The following SORT1 variants were observed in gnomAD, a reference collection of about 807,000 sequenced individuals.
The protein encoded by SORT1 is sortilin.
Under a neutral mutation model 101.7 loss-of-function variants are expected in SORT1, and 39 were observed. The observed-to-expected ratio is 0.38, with a 90% confidence interval of 0.30 to 0.50. SORT1 has a LOEUF of 0.50. Ranked by LOEUF, SORT1 falls within the 20% of genes least tolerant of loss-of-function variation. The pLI is 0.90. For synonymous variants in SORT1, 396 were observed against 393.7 expected (o/e 1.01, Z -0.07); for missense variants, 878 against 1,040.4 (o/e 0.84, Z 2.15).
intron 11 of SORT1, among the ~76,000 whole-genome samples, chr1:109,332,224 G>A (rs964449691): frequency 6.6e-6 from 1 of 152,098 alleles, no homozygotes; most frequent in African/African-American, 2.4e-5. Context: ...ATCCAAACAC[G>A]TTAATTCATC....
intron 11 of SORT1, among the ~76,000 whole-genome samples, chr1:109,332,023 G>C (rs900128825): frequency 9.1e-6 from 1 of 110,388 alleles, no homozygotes; most frequent in Non-Finnish European, 1.8e-5. Flanking sequence ...ATTGATGAAA[G>C]AAATTGAAGA....
chr1:109,316,047 C>A (rs1380602086), intron 17 of SORT1, among the ~76,000 whole-genome samples: 1 of 151,818 alleles, frequency 6.6e-6, no homozygotes, highest in Admixed American at 6.6e-5. Context: ...CAGGAGTAAG[C>A]CACCATGCCC....
At chr1:109,333,567 T>A (rs1380428741) in intron 11 of SORT1, among the ~76,000 whole-genome samples, 1 of 151,478 alleles carries the variant, frequency 6.6e-6, no homozygotes, top group Non-Finnish European at 1.5e-5. Flanking sequence ...AAACAAATAA[T>A]CCAACTAAAA....
chr1:109,351,965 G>GGGGGT (rs932648162), intron 5 of SORT1, among the ~76,000 whole-genome samples: 12 of 147,412 alleles, frequency 8.1e-5, no homozygotes, highest in South Asian at 2.2e-4. Context: ...GAGAGGTAGG[G>GGGGGT]GTGTGTGTGT....
intron 1 of SORT1, among the ~76,000 whole-genome samples, chr1:109,391,284 C>T (rs577052543): frequency 2.0e-4 from 30 of 152,234 alleles, no homozygotes; most frequent in South Asian, 8.3e-4. Flanking sequence ...TAGTAAAACA[C>T]CCCTAAATGT....
chr1:109,344,313 C>T (rs1441518640), intron 8 of SORT1, among the ~76,000 whole-genome samples: 1 of 152,142 alleles, frequency 6.6e-6, no homozygotes, highest in Non-Finnish European at 1.5e-5. Flanking sequence ...CTCAGCATTC[C>T]CCTGCTCACA....
intron 1 of SORT1, among the ~76,000 whole-genome samples, chr1:109,371,769 T>C (rs544029662): frequency 1.3e-5 from 2 of 152,328 alleles, no homozygotes; most frequent in African/African-American, 2.4e-5. Flanking sequence ...CCTTTGGAAA[T>C]GTAGGCCAGA....
At chr1:109,347,954 C>T (rs2101592428) in intron 6 of SORT1, among the ~76,000 whole-genome samples, 1 of 152,354 alleles carries the variant, frequency 6.6e-6, no homozygotes, top group East Asian at 1.9e-4. Flanking sequence ...GTCATTAGTG[C>T]TGAGGTTGAG....
chr1:109,341,374 T>C (rs1256543428), intron 9 of SORT1, among the ~76,000 whole-genome samples: 2 of 149,966 alleles, frequency 1.3e-5, no homozygotes, highest in Non-Finnish European at 3.0e-5. Context: ...TGAGATGGAG[T>C]CTCGCTCTGT....
rs1056935541 is a variant in SORT1 at position 109,397,750 on chromosome 1, GGCAGCGGC to G, written c.135_142del (p.Pro46AlafsTer58). 1 of 1,198,792 alleles carries G rather than the reference GGCAGCGGC, an allele frequency of 8.3e-7. No homozygotes were observed. Among genetic ancestry groups the G allele is most frequent in the African/African-American group, 1.6e-5 (1 of 61,600 alleles). 74.3% of individuals were successfully genotyped at this position (1,198,792 alleles called of 1,614,324 possible). A position where few individuals can be genotyped will look rare whatever the true frequency, so the allele number is the denominator to read the frequency against. On this transcript the variant is annotated frameshift_variant, in exon 1 of 20. Transcript: ENST00000256637. LOFTEE classifies it high-confidence loss of function. ...CACCCCGATGGGGCCAGACCAGCGC[GGCAGCGGC>G]GCAGCGGGCGGCGGCGGCGCGTCCA...
intron 3 of SORT1, among the ~76,000 whole-genome samples, chr1:109,365,666 A>G (rs903414813): frequency 6.6e-5 from 10 of 152,222 alleles, no homozygotes; most frequent in Non-Finnish European, 1.2e-4. Context: ...CATTTATTCA[A>G]TTATTATTTG....
At chr1:109,318,073 C>G (rs1346171651) in intron 15 of SORT1, 104 bp from the exon 16 acceptor site, 2 of 680,116 alleles carry the variant, frequency 2.9e-6, no homozygotes, top group African/African-American at 3.6e-5. Flanking sequence ...ACATTCCAGT[C>G]TTGGGTTGTT....
At chr1:109,314,084 G>GACAGACC in intron 19 of SORT1, 27 bp from the exon 20 acceptor site, 1 of 1,613,790 alleles carries the variant, frequency 6.2e-7, no homozygotes, top group South Asian at 1.1e-5. Flanking sequence ...CCATATTACC[G>GACAGACC]ACAGACCACA....
At chr1:109,375,493 G>A (rs1293154500) in intron 1 of SORT1, among the ~76,000 whole-genome samples, 2 of 131,836 alleles carry the variant, frequency 1.5e-5, no homozygotes, top group African/African-American at 2.9e-5. Flanking sequence ...GCAGTGAGCC[G>A]AGATCGCGCC....
At chr1:109,378,571 A>C (rs1222286467) in intron 1 of SORT1, among the ~76,000 whole-genome samples, 3 of 151,360 alleles carry the variant, frequency 2.0e-5, no homozygotes, top group Admixed American at 6.6e-5. Flanking sequence ...TAATCCCTAT[A>C]GGAAGGGAAA....
chr1:109,338,760 G>A (rs1260818187), intron 10 of SORT1, among the ~76,000 whole-genome samples: 1 of 151,982 alleles, frequency 6.6e-6, no homozygotes, highest in Non-Finnish European at 1.5e-5. Context: ...TTTAAAATAG[G>A]GAGCCTGAAT....
At position 109,345,758 on chromosome 1, in the gene SORT1, G is replaced by A; in HGVS notation, c.956C>T (p.Ala319Val). ...GGRFLFASVM[A>V]DKDTTRRIHV... ...GGAGAGGGCAATACCTACCTTATCA[G>A]CCATCACAGAGGCAAAAAGGAAACG... The change falls in exon 8 of 20, where the codon GCT (alanine) becomes GTT (valine). Residue 319 changes from alanine (A) to valine (V), a missense_variant. Ala to Val is a moderately conservative substitution (Grantham distance 64). Around this residue, in one of 2 missense-constraint regions of SORT1, gnomAD observed 684 missense variants for 894.5 expected, o/e 0.76. Transcript: ENST00000256637. 6.2e-7 allele frequency: 1 copy of A among 1,613,374 alleles called. No homozygotes were observed. The highest frequency in any genetic ancestry group is 8.5e-7 in the Non-Finnish European group (1 of 1,179,698).
Position 109,327,134 on chromosome 1 carries a change from T to G in SORT1, c.1501A>C (p.Met501Leu), listed in dbSNP as rs746580289. 11 of 1,613,466 alleles carry G rather than the reference T, an allele frequency of 6.8e-6. No individual in the cohort carries two copies. The highest frequency in any genetic ancestry group is 8.5e-6 in the Non-Finnish European group (10 of 1,179,784). The change falls in exon 13 of 20, where the codon ATG (methionine) becomes CTG (leucine). Residue 501 changes from methionine to leucine, a missense_variant. By Grantham distance (15) the Met-to-Leu change is conservative (BLOSUM62 2). Transcript: ENST00000256637. ...TCTGAGATGTACACATCTGGAACCA[T>G]CACTGAGATGGCATCCCCCACGCTA... is the stretch of plus-strand genomic sequence containing the variant. ...HGSVGDAISVMVPDVYISDDG... is the reference protein window; with the variant it reads ...HGSVGDAISVLVPDVYISDDG...
At chr1:109,357,694 T>C (rs996568939) in intron 3 of SORT1, among the ~76,000 whole-genome samples, 6 of 152,188 alleles carry the variant, frequency 3.9e-5, no homozygotes, top group Admixed American at 1.3e-4. Flanking sequence ...TGTGTGTATG[T>C]AGAGGTCCCT....
Sources: gnomAD v4.1 joint callset for allele counts (sites outside exome capture counted in the v4.1 genomes callset) on GRCh38, gnomAD v4.1.1 for gene constraint, gnomAD v4.1.1 regional missense constraint, MANE v1.5 for transcripts, NCBI Gene and HGNC (gene_info 2026-07-23, HGNC 2026-07-21) for gene names.